Variants in RB1 observed in about 807,000 individuals in gnomAD.
RB1 encodes RB transcriptional corepressor 1.
Under a neutral mutation model 135.4 loss-of-function variants are expected in RB1, and 18 were observed. The observed-to-expected ratio is 0.13, with a 90% CI of 0.09 to 0.20. RB1 has a LOEUF of 0.20. Ranked by LOEUF, RB1 falls within the 10% of genes least tolerant of loss-of-function variation. RB1 has a pLI of 1.00. For missense variants in RB1, 868 were observed against 1,110.0 expected, an observed-to-expected ratio of 0.78 and a Z score of 3.10; for synonymous variants, 365 against 373.2, an observed-to-expected ratio of 0.98 and a Z score of 0.25.
At chr13:48,320,305 C>A (rs1952223348) in intron 2 of RB1, 1 of 1,242,104 alleles carries the variant, frequency 8.1e-7, no homozygotes, top group East Asian at 2.3e-5. Flanking sequence ...AGCAACCCCG[C>A]TGCGCTGCAG....
intron 13 of RB1, among the ~76,000 whole-genome samples, chr13:48,379,189 T>C (rs887381307): frequency 2.6e-5 from 4 of 152,126 alleles, no homozygotes; most frequent in African/African-American, 9.7e-5. Flanking sequence ...AACCTATCTT[T>C]AGTATGAATG....
intron 2 of RB1, among the ~76,000 whole-genome samples, chr13:48,330,369 G>C (rs1456998769): frequency 6.6e-6 from 1 of 151,482 alleles, no homozygotes; most frequent in Non-Finnish European, 1.5e-5. Context: ...ATAGAAAAGA[G>C]CAACAAAATG....
chr13:48,367,415 TAATGA>T, intron 9 of RB1, 74 bp from the exon 10 acceptor site: 1 of 1,481,030 alleles, frequency 6.8e-7, no homozygotes, highest in Non-Finnish European at 9.2e-7. Context: ...AAAAATTCTT[TAATGA>T]AATCTGTGCC....
In RB1 at chr13:48,436,411, G is replaced by A. The variant is rs1262415628; in HGVS notation, c.1696-16582G>A. Among the ~76,000 whole-genome samples, 3 of 152,190 alleles carry A rather than the reference G, an allele frequency of 2.0e-5. No individual in the cohort carries two copies. The South Asian group carries it at 6.2e-4, about 32-fold the overall frequency. ...TAATCTCAGCACTTTGAGAGGCCAA[G>A]GCAGGCGGATCACCTGCGGTCAGAA... is the stretch of plus-strand genomic sequence containing the variant. On this transcript the variant is annotated intron_variant, in intron 17 of 26. Transcript: ENST00000267163.
At chr13:48,338,108 A>G (rs1283043156) in intron 2 of RB1, among the ~76,000 whole-genome samples, 2 of 152,164 alleles carry the variant, frequency 1.3e-5, no homozygotes, top group African/African-American at 2.4e-5. Flanking sequence ...TGGCTGCCTT[A>G]ACATTTTTTC....
intron 17 of RB1, among the ~76,000 whole-genome samples, chr13:48,407,696 G>A (rs1948752451): frequency 6.6e-6 from 1 of 152,086 alleles, no homozygotes; most frequent in African/African-American, 2.4e-5. Context: ...TTTTTAATTT[G>A]TAATTTATTT....
At chr13:48,420,887 G>A (rs1948995128) in intron 17 of RB1, among the ~76,000 whole-genome samples, 2 of 152,106 alleles carry the variant, frequency 1.3e-5, no homozygotes, top group South Asian at 4.1e-4. Context: ...AAATAAAGAG[G>A]ACACAAACAA....
At chr13:48,433,264 C>T (rs1949148478) in intron 17 of RB1, among the ~76,000 whole-genome samples, 1 of 150,872 alleles carries the variant, frequency 6.6e-6, no homozygotes, top group Non-Finnish European at 1.5e-5. Flanking sequence ...TATGAGTATA[C>T]CTGGGTAAAT....
In RB1 at chr13:48,360,111, G is replaced by A. The variant is rs1479014864; in HGVS notation, c.702G>A (p.Leu234=). The A allele has an allele frequency of 6.2e-7, 1 of 1,612,256 alleles. No individual in the cohort carries two copies. Among genetic ancestry groups the A allele is most frequent in the South Asian group, 1.1e-5 (1 of 91,056 alleles). ...DYFIKLSPPM[L]LKEPYKTAVI... is the part of the protein sequence containing the mutation. ...TTATTAAACTCTCACCTCCCATGTT[G>A]CTCAAAGAACCATATAGTAAGTATT... is the stretch of plus-strand genomic sequence containing the variant. Residue 234 remains leucine, a synonymous_variant, in exon 7 of 27, where the codon TTG becomes TTA. Coordinates refer to ENST00000267163, the MANE Select transcript of RB1 (RefSeq NM_000321.3).
chr13:48,383,977 G>A (rs1002592198), intron 17 of RB1, among the ~76,000 whole-genome samples: 1 of 152,016 alleles, frequency 6.6e-6, no homozygotes, highest in African/African-American at 2.4e-5. Flanking sequence ...GAGAGATACT[G>A]TGAAGATACA....
chr13:48,450,073 G>A (rs372062799), intron 17 of RB1, among the ~76,000 whole-genome samples: 1 of 149,058 alleles, frequency 6.7e-6, no homozygotes, highest in Non-Finnish European at 1.5e-5. Flanking sequence ...GGTTGTCTGT[G>A]CACTCTGATG....
chr13:48,449,268 G>A (rs1211713751), intron 17 of RB1, among the ~76,000 whole-genome samples: 1 of 152,110 alleles, frequency 6.6e-6, no homozygotes, highest in Non-Finnish European at 1.5e-5. Flanking sequence ...AAATTAGTTA[G>A]AAACTCTGAG....
At chr13:48,357,613 CATCAGGTCTCT>C (rs1396630166) in intron 6 of RB1, among the ~76,000 whole-genome samples, 2 of 151,988 alleles carry the variant, frequency 1.3e-5, no homozygotes, top group Non-Finnish European at 2.9e-5. Context: ...TCTAGATTAG[CATCAGGTCTCT>C]ACAGGGAGGG....
In RB1 at chr13:48,480,107, C is replaced by A; in HGVS notation, c.*36C>A. 6.6e-7 allele frequency: 1 copy of A among 1,504,808 alleles called. No individual in the cohort carries two copies. The highest frequency in any genetic ancestry group is 9.2e-7 in the Non-Finnish European group (1 of 1,082,486). 93.2% of individuals were successfully genotyped at this position (1,504,808 alleles called of 1,614,324 possible). On this transcript the variant is annotated 3_prime_UTR_variant, in exon 27 of 27. Transcript: ENST00000267163. The stretch of plus-strand genomic sequence containing the variant: ...ACCTTGGTGGACACTGTGTACACCT[C>A]TGGATTCATTGTCTCTCACAGATGT...
intron 23 of RB1, among the ~76,000 whole-genome samples, chr13:48,465,923 G>A (rs577847051): frequency 6.8e-6 from 1 of 147,736 alleles, no homozygotes. Context: ...ACGGAATCTC[G>A]CTGATTGCTA....
intron 17 of RB1, among the ~76,000 whole-genome samples, chr13:48,399,943 T>A (rs1593468100): frequency 6.6e-6 from 1 of 151,996 alleles, no homozygotes; most frequent in Admixed American, 6.6e-5. Flanking sequence ...ATGTCACTCC[T>A]CCCCACCACA....
chr13:48,317,333 CG>C (rs564607350), intron 2 of RB1: 121 of 390,280 alleles, frequency 3.1e-4, no homozygotes, highest in African/African-American at 2.4e-3. Context: ...TTGTCTTTCC[CG>C]CTCCCGACGC....
intron 2 of RB1, among the ~76,000 whole-genome samples, chr13:48,337,823 G>A (rs980037163): frequency 6.6e-6 from 1 of 152,186 alleles, no homozygotes; most frequent in African/African-American, 2.4e-5. Flanking sequence ...GGTACCAGCT[G>A]TTCCTTTCCA....
intron 2 of RB1, among the ~76,000 whole-genome samples, chr13:48,309,139 A>T (rs1952111012): frequency 6.6e-6 from 1 of 152,216 alleles, no homozygotes; most frequent in Admixed American, 6.5e-5. Context: ...AAATTAATGA[A>T]TGAATCTCTG....
Sources: allele counts gnomAD v4.1 joint callset (sites outside exome capture counted in the v4.1 genomes callset), GRCh38; gene constraint gnomAD v4.1.1; transcripts MANE v1.5; gene names NCBI Gene and HGNC (gene_info 2026-07-23, HGNC 2026-07-21).